The following PPP3CA variants were observed in gnomAD, a reference collection of about 807,000 sequenced individuals.
PPP3CA encodes the protein CAM-PRP catalytic subunit.
A neutral mutation model predicts 66.5 loss-of-function variants in PPP3CA; 14 were observed. That is an observed-to-expected ratio of 0.21 (90% CI 0.14 to 0.33). The LOEUF is 0.33. Among genes scored for constraint, PPP3CA ranks in the 10% least tolerant of loss-of-function variants. The probability of loss-of-function intolerance (pLI) is 1.00; values close to 1 mark genes in which losing one functional copy is unlikely to be tolerated. For synonymous variants in PPP3CA, 232 were observed against 226.2 expected (o/e 1.03, Z -0.23); for missense variants, 317 against 639.5 (o/e 0.50, Z 5.44).
intron 2 of PPP3CA, among the ~76,000 whole-genome samples, chr4:101,137,988 A>G (rs1436950618): frequency 1.3e-5 from 2 of 152,216 alleles, no homozygotes; most frequent in Non-Finnish European, 1.5e-5. Flanking sequence ...ACAGGTCACT[A>G]ACAAGCGAGC....
intron 7 of PPP3CA, among the ~76,000 whole-genome samples, chr4:101,082,421 AC>A (rs1729480596): frequency 6.6e-6 from 1 of 152,144 alleles, no homozygotes; most frequent in Non-Finnish European, 1.5e-5. Context: ...TTTTCAGAAA[AC>A]CTAGACTATG....
chr4:101,297,139 T>A (rs1249333803), intron 1 of PPP3CA, among the ~76,000 whole-genome samples: 1 of 152,178 alleles, frequency 6.6e-6, no homozygotes, highest in Non-Finnish European at 1.5e-5. Flanking sequence ...TCTTCCTCAT[T>A]TATAATCGTC....
chr4:101,151,638 T>A (rs1473094232), intron 2 of PPP3CA, among the ~76,000 whole-genome samples: 7 of 142,108 alleles, frequency 4.9e-5, no homozygotes, highest in African/African-American at 1.5e-4. Context: ...AAAATTTAGC[T>A]AAGCCAAGGT....
chr4:101,265,920 A>T (rs1321870469), intron 1 of PPP3CA, among the ~76,000 whole-genome samples: 1 of 152,122 alleles, frequency 6.6e-6, no homozygotes, highest in Non-Finnish European at 1.5e-5. Flanking sequence ...CACATGCTCT[A>T]CCTAGAAAAA....
intron 2 of PPP3CA, among the ~76,000 whole-genome samples, chr4:101,128,638 C>T (rs566251388): frequency 1.3e-4 from 20 of 151,808 alleles, no homozygotes; most frequent in African/African-American, 4.3e-4. Context: ...CTGGGAAGTG[C>T]AAGGGGTTGT....
intron 2 of PPP3CA, among the ~76,000 whole-genome samples, chr4:101,136,155 T>C (rs1209696482): frequency 6.6e-6 from 1 of 152,202 alleles, no homozygotes; most frequent in Non-Finnish European, 1.5e-5. Flanking sequence ...AAGTGAAACA[T>C]TGATTAATAT....
At chr4:101,297,163 G>A (rs1343710337) in intron 1 of PPP3CA, among the ~76,000 whole-genome samples, 1 of 152,096 alleles carries the variant, frequency 6.6e-6, no homozygotes, top group Non-Finnish European at 1.5e-5. Context: ...TCTTTTTAAT[G>A]AATTTTGATT....
intron 1 of PPP3CA, among the ~76,000 whole-genome samples, chr4:101,316,938 A>G (rs1250916934): frequency 6.6e-6 from 1 of 152,214 alleles, no homozygotes; most frequent in Non-Finnish European, 1.5e-5. Context: ...TAATGAAGAA[A>G]GTACATTTCT....
chr4:101,041,508 C>T (rs1455712129), intron 10 of PPP3CA, among the ~76,000 whole-genome samples: 1 of 141,642 alleles, frequency 7.1e-6, no homozygotes, highest in Non-Finnish European at 1.5e-5. Context: ...GATTTCGGCT[C>T]ACTGCAACCT....
chr4:101,290,916 C>T (rs952859347), intron 1 of PPP3CA, among the ~76,000 whole-genome samples: 5 of 152,114 alleles, frequency 3.3e-5, no homozygotes, highest in South Asian at 2.1e-4. Context: ...GTCATTCAGA[C>T]GCAAGAGACA....
At chr4:101,292,628 TTGCCACA>T (rs1728065988) in intron 1 of PPP3CA, among the ~76,000 whole-genome samples, 3 of 152,224 alleles carry the variant, frequency 2.0e-5, no homozygotes, top group Admixed American at 6.5e-5. Flanking sequence ...AGATTTTCTA[TTGCCACA>T]GAACTCCTTA....
At chr4:101,147,690 T>C (rs907363899) in intron 2 of PPP3CA, among the ~76,000 whole-genome samples, 2 of 152,142 alleles carry the variant, frequency 1.3e-5, no homozygotes, top group South Asian at 2.1e-4. Context: ...TCATCCATAG[T>C]TCATTCTCAC....
intron 2 of PPP3CA, among the ~76,000 whole-genome samples, chr4:101,109,308 TAAAA>T (rs70961775): frequency 1.1e-5 from 1 of 90,060 alleles, no homozygotes; most frequent in Non-Finnish European, 2.2e-5. Flanking sequence ...ACAGATTAAC[TAAAA>T]AAAAAAAAAA....
chr4:101,309,397 A>G (rs185102913), intron 1 of PPP3CA, among the ~76,000 whole-genome samples: 44 of 152,262 alleles, frequency 2.9e-4, no homozygotes, highest in African/African-American at 8.9e-4. Context: ...ATAATCTTTC[A>G]GAAGAGGTGG....
At position 101,025,139 on chromosome 4, in the gene PPP3CA, C is replaced by T. The variant is rs984695474; in HGVS notation, c.*726G>A. On this transcript the variant is annotated 3_prime_UTR_variant, in exon 14 of 14. Transcript: ENST00000394854. ...TATAATTATTCCAGTTTTTTTAAAA[C>T]TTAAAAGATATTCCATTGCCGAATT... 4 of 152,226 alleles carry T rather than the reference C, an allele frequency of 2.6e-5. No homozygotes were observed. The highest frequency in any genetic ancestry group is 9.7e-5 in the African/African-American group (4 of 41,328). The allele number at this position is 152,226 out of a possible 1,614,324, so 9.4% of individuals were successfully genotyped here.
At chr4:101,124,700 AG>A (rs1722150436) in intron 2 of PPP3CA, among the ~76,000 whole-genome samples, 1 of 102,732 alleles carries the variant, frequency 9.7e-6, no homozygotes, top group South Asian at 3.4e-4. Context: ...AAAGAAAGAA[AG>A]AAAGAAAGAA....
At chr4:101,151,551 T>A (rs1204842990) in intron 2 of PPP3CA, among the ~76,000 whole-genome samples, 1 of 138,420 alleles carries the variant, frequency 7.2e-6, no homozygotes, top group Non-Finnish European at 1.5e-5. Context: ...AAAGCAAGAC[T>A]CTGTATCAAA....
chr4:101,131,668 C>T (rs1444394375), intron 2 of PPP3CA, among the ~76,000 whole-genome samples: 7 of 152,022 alleles, frequency 4.6e-5, no homozygotes, highest in African/African-American at 1.7e-4. Context: ...ACTTTAACAC[C>T]CCACTGTCAA....
Position 101,332,960 on chromosome 4 carries a change from AT to A in PPP3CA, c.58+13778del, listed in dbSNP as rs987646196. ...GGCTTGTTAACCATCTAACAGAAAT[AT>A]CTTTTCTTTTTGAAAGACAGCTTAA... On this transcript the variant is annotated intron_variant, in intron 1 of 13. Transcript: ENST00000394854. 5.3e-5 allele frequency among the ~76,000 whole-genome samples: 8 copies of A among 152,292 alleles called. No homozygotes were observed. The East Asian group carries it at 1.5e-3, about 29-fold the overall frequency.
Sources: gnomAD v4.1 joint callset for allele counts (sites outside exome capture counted in the v4.1 genomes callset) on GRCh38, gnomAD v4.1.1 for gene constraint, MANE v1.5 for transcripts, NCBI Gene and HGNC (gene_info 2026-07-23, HGNC 2026-07-21) for gene names.